Variants in DYNC2H1 observed in about 807,000 individuals in gnomAD.
The protein encoded by DYNC2H1 is cytoplasmic dynein 2 heavy chain 1.
Under a neutral mutation model 570.0 loss-of-function variants are expected in DYNC2H1, and 410 were observed. The ratio of observed to expected loss-of-function variants is 0.72; its 90% CI spans 0.66 to 0.78. The LOEUF (loss-of-function observed/expected upper bound fraction) is 0.78, where lower values mean the gene tolerates loss of function less well. Among genes scored for constraint, DYNC2H1 ranks in the 30% least tolerant of loss-of-function variants. DYNC2H1 has a pLI of 0.00. For synonymous variants in DYNC2H1, 1,688 were observed against 1,677.6 expected, an observed-to-expected ratio of 1.01 and a Z score of -0.15; for missense variants, 4,865 against 5,046.4, an observed-to-expected ratio of 0.96 and a Z score of 1.09.
intron 88 of DYNC2H1, among the ~76,000 whole-genome samples, chr11:103,475,501 A>C (rs748284895): frequency 5.3e-5 from 8 of 152,208 alleles, no homozygotes; most frequent in Non-Finnish European, 1.2e-4. Flanking sequence ...AATAGTGAGA[A>C]TGCCAAAAAT....
At chr11:103,276,460 A>G (rs898149581) in intron 70 of DYNC2H1, among the ~76,000 whole-genome samples, 1 of 152,094 alleles carries the variant, frequency 6.6e-6, no homozygotes, top group Non-Finnish European at 1.5e-5. Context: ...CTTGGTAGGA[A>G]GGTTTGTGCT....
intron 83 of DYNC2H1, among the ~76,000 whole-genome samples, chr11:103,389,996 G>T (rs1299137354): frequency 6.6e-6 from 1 of 152,202 alleles, no homozygotes; most frequent in Non-Finnish European, 1.5e-5. Flanking sequence ...GGAGAGTTCT[G>T]TAGATGTCTA....
intron 17 of DYNC2H1, 23 bp from the exon 18 acceptor site, chr11:103,143,245 A>T: frequency 6.2e-7 from 1 of 1,607,966 alleles, no homozygotes; most frequent in Non-Finnish European, 8.5e-7. Context: ...CTTTAATAAT[A>T]CATTTTTTCT....
intron 82 of DYNC2H1, among the ~76,000 whole-genome samples, chr11:103,348,298 TA>T (rs1939858295): frequency 6.6e-6 from 1 of 152,206 alleles, no homozygotes; most frequent in Admixed American, 6.5e-5. Flanking sequence ...TTTACAGCTT[TA>T]TTGGGGTTAA....
At chr11:103,240,928 T>G (rs660994) in intron 63 of DYNC2H1, among the ~76,000 whole-genome samples, 37,058 of 152,056 alleles carry the variant, frequency 0.24, 5,053 homozygotes, top group African/African-American at 0.38. Flanking sequence ...CATCACCTTT[T>G]CCCATATTTA....
In DYNC2H1 at chr11:103,256,654, A is replaced by G. The variant is rs1026095489; in HGVS notation, c.10461+414A>G. On this transcript the variant is annotated intron_variant, in intron 68 of 88. Transcript: ENST00000375735. This position sits in a 1 kb window ranked among gnomAD's most constrained non-coding sequence, Gnocchi z 4.0. ...TAAGGTACAGTTATTGGCTCTTTTC[A>G]TGCTTATAATGAACAGTGCTGGGTA... Among the ~76,000 whole-genome samples the G allele has an allele frequency of 6.6e-6, 1 of 152,184 alleles. No individual in the cohort carries two copies. Among genetic ancestry groups the G allele is most frequent in the Non-Finnish European group, 1.5e-5 (1 of 68,018 alleles).
intron 68 of DYNC2H1, 96 bp from the exon 69 acceptor site, chr11:103,257,512 C>A: frequency 1.7e-6 from 2 of 1,208,812 alleles, no homozygotes; most frequent in South Asian, 2.8e-5. Context: ...TTTTTTATTA[C>A]TTGGGTAGAT....
intron 87 of DYNC2H1, among the ~76,000 whole-genome samples, chr11:103,464,850 G>A (rs1945142673): frequency 6.6e-6 from 1 of 152,062 alleles, no homozygotes; most frequent in Non-Finnish European, 1.5e-5. Flanking sequence ...AGAAAGTAAT[G>A]AACACCTAAA....
Position 103,198,034 on chromosome 11 carries a change from T to G in DYNC2H1, c.7810T>G (p.Ser2604Ala). The change falls in exon 48 of 89, where the codon TCT becomes GCT. Residue 2604 changes from serine to alanine, a missense_variant. By Grantham distance (99) the Ser-to-Ala change is moderately conservative (BLOSUM62 1). Around this residue, in one of 5 missense-constraint regions of DYNC2H1, gnomAD observed 2,401 missense variants for 2,454.6 expected, o/e 0.98. Transcript: ENST00000375735. ...TGGAAAACCACTTGGAAAACTAAAC[T>G]CTACTGATCTCAAGGATGTTATTAA... ...PHGKPLGKLN[S>A]TDLKDVIKKG... is the part of the protein sequence containing the mutation. 1 of 1,552,736 alleles carries G rather than the reference T, an allele frequency of 6.4e-7. No homozygotes were observed. The highest frequency in any genetic ancestry group is 2.4e-5 in the East Asian group (1 of 40,972).
intron 83 of DYNC2H1, among the ~76,000 whole-genome samples, chr11:103,397,975 T>G (rs952955883): frequency 1.3e-5 from 2 of 152,238 alleles, no homozygotes; most frequent in Non-Finnish European, 2.9e-5. Flanking sequence ...TTCAATGATC[T>G]AAGTTTGAGT....
At chr11:103,253,543 T>C in intron 66 of DYNC2H1, 95 bp downstream of exon 66, 1 of 1,191,178 alleles carries the variant, frequency 8.4e-7, no homozygotes, top group South Asian at 1.8e-5. Flanking sequence ...TTAGACTAAT[T>C]AGTATTTACA....
At position 103,261,143 on chromosome 11, in the gene DYNC2H1, C is replaced by T. The variant is rs1323094080; in HGVS notation, c.10695+1166C>T. Among the ~76,000 whole-genome samples, 1 of 152,098 alleles carries T rather than the reference C, an allele frequency of 6.6e-6. No individual in the cohort carries two copies. The highest frequency in any genetic ancestry group is 1.5e-5 in the Non-Finnish European group (1 of 68,010). ...TCTTTATTTGAGATACAGAATAAAT[C>T]CTTCAGAAGCTCTCTGGGCAGGGCA... On this transcript the variant is annotated intron_variant, in intron 70 of 88. Transcript: ENST00000375735. This position sits in a 1 kb window ranked among gnomAD's most constrained non-coding sequence, Gnocchi z 4.8.
chr11:103,369,498 T>C lies in DYNC2H1; in HGVS notation c.12156+11139T>C, dbSNP rs1380350954. The stretch of plus-strand genomic sequence containing the variant: ...CCTGCTGGGGCAGCTAAGGGAATGC[T>C]GGCATCACCCCTCTCCTAACCTCAG... On this transcript the variant is annotated intron_variant, in intron 83 of 88. Transcript: ENST00000375735. The surrounding 1 kb of genome is among the most constrained non-coding windows in gnomAD (Gnocchi z 4.0). 6.6e-6 allele frequency among the ~76,000 whole-genome samples: 1 copy of C among 152,162 alleles called. No homozygotes were observed. The highest frequency in any genetic ancestry group is 1.5e-5 in the Non-Finnish European group (1 of 68,016).
chr11:103,211,846 G>A lies in DYNC2H1; in HGVS notation c.8597G>A (p.Gly2866Asp), dbSNP rs769162218. The stretch of plus-strand genomic sequence containing the variant: ...ATCCATGAATCTTGTAAAGCATATG[G>A]TGCTACACCAAGCCGATACATGACC... Reference protein sequence around the residue: ...LLIHESCKAYGATPSRYMTFL... With the variant: ...LLIHESCKAYDATPSRYMTFL... Residue 2866 changes from glycine to aspartate, a missense_variant, in exon 54 of 89, where the codon GGT (glycine) becomes GAT (aspartate). Gly to Asp is a moderately conservative substitution (Grantham distance 94, BLOSUM62 -1). This residue lies in a region of DYNC2H1 where 2,401 missense variants were observed against 2,454.6 expected (regional missense o/e 0.98). Coordinates refer to ENST00000375735, the MANE Select transcript of DYNC2H1 (RefSeq NM_001377.3). 5 of 1,518,594 alleles carry A rather than the reference G, an allele frequency of 3.3e-6. No homozygotes were observed. The highest frequency in any genetic ancestry group is 4.4e-6 in the Non-Finnish European group (5 of 1,129,822). The allele number at this position is 1,518,594 out of a possible 1,614,324, so 94.1% of individuals were successfully genotyped here. A position where few individuals can be genotyped will look rare whatever the true frequency, so the allele number is the denominator to read the frequency against.
In DYNC2H1 at chr11:103,199,954, C is replaced by G; in HGVS notation, c.8089-92C>G. 1 of 768,042 alleles carries G rather than the reference C, an allele frequency of 1.3e-6. No homozygotes were observed. The highest frequency in any genetic ancestry group is 1.8e-5 in the South Asian group (1 of 55,358). The allele number at this position is 768,042 out of a possible 1,614,324, so 47.6% of individuals were successfully genotyped here. A position where few individuals can be genotyped will look rare whatever the true frequency, so the allele number is the denominator to read the frequency against. ...TAAATGAATAAATAAACACATGATA[C>G]TGGCATACTTTACATACAAATACAA... On this transcript the variant is annotated intron_variant, in intron 49 of 88. Coordinates refer to ENST00000375735, the MANE Select transcript of DYNC2H1 (RefSeq NM_001377.3). The surrounding 1 kb of genome is among the most constrained non-coding windows in gnomAD (Gnocchi z 4.6).
chr11:103,460,944 C>G (rs1165970543), intron 87 of DYNC2H1, among the ~76,000 whole-genome samples: 1 of 151,934 alleles, frequency 6.6e-6, no homozygotes, highest in Non-Finnish European at 1.5e-5. Flanking sequence ...GGTATAATGA[C>G]TAGAAAATAA....
intron 82 of DYNC2H1, among the ~76,000 whole-genome samples, chr11:103,348,378 T>C (rs1410559725): frequency 6.6e-6 from 1 of 152,208 alleles, no homozygotes; most frequent in Non-Finnish European, 1.5e-5. Flanking sequence ...GCATATACTT[T>C]TGAGGCTATC....
Position 103,220,012 on chromosome 11 carries a change from A to G in DYNC2H1, c.8930A>G (p.Glu2977Gly). 4 of 1,457,444 alleles carry G rather than the reference A, an allele frequency of 2.7e-6. No homozygotes were observed. Among genetic ancestry groups the G allele is most frequent in the Non-Finnish European group, 3.6e-6 (4 of 1,101,472 alleles). The allele number at this position is 1,457,444 out of a possible 1,614,324, so 90.3% of individuals were successfully genotyped here. Residue 2977 changes from glutamate (E) to glycine (G), a missense_variant, in exon 56 of 89, where the codon GAA becomes GGA. Transcript: ENST00000375735. ...IEERKNKIDD[E>G]LKEVQPLVNE... ...GAAAGAAAAAATAAAATTGATGATG[A>G]ATTAAAAGAAGTACAAGTAAGTTAA...
chr11:103,306,491 T>A lies in DYNC2H1; in HGVS notation c.11383-1230T>A, dbSNP rs527569866. ...AAATCCAACTATATCCAGCTATAAATCCAACTATATCACAATGTATTGTTT... is the reference window on the plus strand; with the variant it reads ...AAATCCAACTATATCCAGCTATAAAACCAACTATATCACAATGTATTGTTT... On this transcript the variant is annotated intron_variant, in intron 77 of 88. Transcript: ENST00000375735. 9.2e-5 allele frequency among the ~76,000 whole-genome samples: 14 copies of A among 152,260 alleles called. No individual in the cohort carries two copies. The South Asian group carries it at 2.9e-3, about 32-fold the overall frequency.
Sources: allele counts gnomAD v4.1 joint callset (sites outside exome capture counted in the v4.1 genomes callset), GRCh38; gene constraint gnomAD v4.1.1; regional missense constraint gnomAD v4.1.1; non-coding constraint Gnocchi (gnomAD v3.1); transcripts MANE v1.5; gene names NCBI Gene and HGNC (gene_info 2026-07-23, HGNC 2026-07-21).